The following ITGAV variants were observed in gnomAD, a reference collection of about 807,000 sequenced individuals.
The protein encoded by ITGAV is integrin subunit alpha V, also known as integrin alpha-V.
ITGAV carries 76 observed loss-of-function variants against 143.8 expected under a neutral mutation model. That is an observed-to-expected ratio of 0.53 (90% CI 0.44 to 0.64). The LOEUF (loss-of-function observed/expected upper bound fraction) is 0.64. Among genes scored for constraint, ITGAV ranks in the 30% least tolerant of loss-of-function variants. The pLI is 0.00. For missense variants in ITGAV, 1,193 were observed against 1,274.7 expected, an observed-to-expected ratio of 0.94 and a Z score of 0.98; for synonymous variants, 453 against 446.7, an observed-to-expected ratio of 1.01 and a Z score of -0.18.
rs1205632547 is a variant in ITGAV at position 186,679,978 on chromosome 2, G to C, written c.*2686G>C. 1 of 152,080 alleles carries C rather than the reference G, an allele frequency of 6.6e-6. No homozygotes were observed. The highest frequency in any genetic ancestry group is 1.5e-5 in the Non-Finnish European group (1 of 67,950). 9.4% of individuals were successfully genotyped at this position (152,080 alleles called of 1,614,324 possible). On this transcript the variant is annotated 3_prime_UTR_variant, in exon 30 of 30. Transcript: ENST00000261023. ...TTACTGGCTTAAGAGGGCTGTGAAAGATTTTTGATAGTGAATCATGACCCT... is the reference window on the plus strand; with the variant it reads ...TTACTGGCTTAAGAGGGCTGTGAAACATTTTTGATAGTGAATCATGACCCT...
At position 186,656,390 on chromosome 2, in the gene ITGAV, G is replaced by A. The variant is rs201670713; in HGVS notation, c.1708G>A (p.Ala570Thr). 1.9e-5 allele frequency: 29 copies of A among 1,494,954 alleles called. No individual in the cohort carries two copies. Among genetic ancestry groups the A allele is most frequent in the Middle Eastern group, 3.5e-4 (2 of 5,768 alleles). 92.6% of individuals were successfully genotyped at this position (1,494,954 alleles called of 1,614,324 possible). A position where few individuals can be genotyped will look rare whatever the true frequency, so the allele number is the denominator to read the frequency against. Reference sequence around the variant, plus strand: ...ACTGATGCAGTGTGAGGAATTGATAGCGTATCTGCGGGTAAGAGCTAACTT... The same window carrying A: ...ACTGATGCAGTGTGAGGAATTGATAACGTATCTGCGGGTAAGAGCTAACTT... Reference protein sequence around the residue: ...GGLMQCEELIAYLRDESEFRD... With the variant: ...GGLMQCEELITYLRDESEFRD... Residue 570 changes from alanine to threonine, a missense_variant, in exon 17 of 30, where the codon GCG (alanine) becomes ACG (threonine). Ala to Thr is a moderately conservative substitution (Grantham distance 58, BLOSUM62 0). Transcript: ENST00000261023.
rs1171422237 is a variant in ITGAV at position 186,590,539 on chromosome 2, TG to T, written c.185+18del. ...GCGCGTCTTCGTAAGTGGCCGCACT[TG>T]GAACTGGAGCCGGCCCCCTCCCCCA... is the stretch of plus-strand genomic sequence containing the variant. On this transcript the variant is annotated intron_variant, in intron 1 of 29. Coordinates refer to ENST00000261023, the MANE Select transcript of ITGAV (RefSeq NM_002210.5). 73 of 1,607,974 alleles carry T rather than the reference TG, an allele frequency of 4.5e-5. No individual in the cohort carries two copies. The highest frequency in any genetic ancestry group is 6.0e-5 in the Non-Finnish European group (71 of 1,177,644).
At chr2:186,662,923 C>G (rs1688787082) in intron 18 of ITGAV, among the ~76,000 whole-genome samples, 1 of 152,074 alleles carries the variant, frequency 6.6e-6, no homozygotes, top group South Asian at 2.1e-4. Flanking sequence ...TTCTTTTTGT[C>G]TGCTTCTGTG....
intron 1 of ITGAV, among the ~76,000 whole-genome samples, chr2:186,594,561 G>A (rs1686696731): frequency 1.3e-5 from 2 of 152,158 alleles, no homozygotes; most frequent in South Asian, 4.1e-4. Context: ...TAAACGTGCA[G>A]AACATCTTGT....
At chr2:186,648,408 A>G (rs1000365790) in intron 13 of ITGAV, among the ~76,000 whole-genome samples, 14 of 152,228 alleles carry the variant, frequency 9.2e-5, no homozygotes, top group Non-Finnish European at 1.6e-4. Flanking sequence ...TTTTAACTGT[A>G]TAACAGGTGG....
chr2:186,618,821 CA>C (rs1687440783), intron 2 of ITGAV, among the ~76,000 whole-genome samples: 2 of 152,126 alleles, frequency 1.3e-5, no homozygotes, highest in African/African-American at 4.8e-5. Context: ...TAAATTAATA[CA>C]GCTACTATGG....
intron 1 of ITGAV, among the ~76,000 whole-genome samples, chr2:186,597,698 G>A (rs1686783069): frequency 6.6e-6 from 1 of 152,208 alleles, no homozygotes; most frequent in South Asian, 2.1e-4. Flanking sequence ...ATCAGGAAGT[G>A]AGCAGCAGGA....
intron 2 of ITGAV, among the ~76,000 whole-genome samples, chr2:186,618,694 T>G (rs1367367044): frequency 6.6e-6 from 1 of 152,004 alleles, no homozygotes; most frequent in Admixed American, 6.6e-5. Flanking sequence ...AAAGAAGAAA[T>G]TTCACTTTTC....
At position 186,630,281 on chromosome 2, in the gene ITGAV, T is replaced by C. The variant is rs1160894737; in HGVS notation, c.524-516T>C. On this transcript the variant is annotated intron_variant, in intron 4 of 29. Transcript: ENST00000261023. ...AATAGGAAGACAGAGGAATTTCATA[T>C]TGGAATTTTTAACTTGCAGATCACA... 2.0e-5 allele frequency among the ~76,000 whole-genome samples: 3 copies of C among 151,934 alleles called. No individual in the cohort carries two copies. In the South Asian group the frequency reaches 6.2e-4, roughly 32 times the overall value.
At chr2:186,647,707 G>A (rs1020562548) in intron 13 of ITGAV, among the ~76,000 whole-genome samples, 1 of 152,198 alleles carries the variant, frequency 6.6e-6, no homozygotes, top group African/African-American at 2.4e-5. Context: ...AGTAGAGCAA[G>A]CAAGACCTTT....
chr2:186,656,987 A>AACACACACACAC (rs56249746), intron 17 of ITGAV, among the ~76,000 whole-genome samples: 18 of 139,426 alleles, frequency 1.3e-4, no homozygotes, highest in African/African-American at 4.6e-4. Flanking sequence ...GAATTCATTA[A>AACACACACACAC]ACACACACAC....
intron 13 of ITGAV, among the ~76,000 whole-genome samples, chr2:186,648,058 T>G (rs759653650): frequency 6.6e-6 from 1 of 152,242 alleles, no homozygotes; most frequent in South Asian, 2.1e-4. Context: ...TTCATAGTGT[T>G]TTATTCAACG....
At position 186,625,566 on chromosome 2, in the gene ITGAV, G is replaced by C. The variant is rs779728433; in HGVS notation, c.502G>C (p.Glu168Gln). 1 of 1,612,766 alleles carries C rather than the reference G, an allele frequency of 6.2e-7. No homozygotes were observed. The highest frequency in any genetic ancestry group is 1.1e-5 in the South Asian group (1 of 90,998). Reference protein sequence around the residue: ...CFLQDGTKTVEYAPCRSQDID... With the variant: ...CFLQDGTKTVQYAPCRSQDID... ...TCTTCAAGATGGAACAAAGACTGTT[G>C]AGTATGCTCCATGTAGATCACGTAT... Residue 168 changes from glutamate (E) to glutamine (Q), a missense_variant, in exon 4 of 30, where the codon GAG becomes CAG. Glu to Gln is a conservative substitution (Grantham distance 29). Coordinates refer to ENST00000261023, the MANE Select transcript of ITGAV (RefSeq NM_002210.5).
intron 21 of ITGAV, 32 bp downstream of exon 21, chr2:186,665,250 C>A: frequency 7.3e-7 from 1 of 1,366,980 alleles, no homozygotes; most frequent in Non-Finnish European, 1.0e-6. Context: ...GATTTTTCTC[C>A]CTGGCAAATA....
intron 15 of ITGAV, among the ~76,000 whole-genome samples, chr2:186,652,439 G>C (rs1289004008): frequency 6.6e-6 from 1 of 152,048 alleles, no homozygotes; most frequent in Non-Finnish European, 1.5e-5. Flanking sequence ...CAGTCATCCT[G>C]CCTCAGCCTC....
rs1275146249 is a variant in ITGAV at position 186,665,037 on chromosome 2, T to G, written c.2074-89T>G. 4.8e-6 allele frequency: 4 copies of G among 841,058 alleles called. No homozygotes were observed. In the African/African-American group the frequency reaches 6.9e-5, roughly 15 times the overall value. The allele number at this position is 841,058 out of a possible 1,614,324, so 52.1% of individuals were successfully genotyped here. A position where few individuals can be genotyped will look rare whatever the true frequency, so the allele number is the denominator to read the frequency against. On this transcript the variant is annotated intron_variant, in intron 20 of 29. Transcript: ENST00000261023. ...CCTGGTTTGCTCAACTAGATTTATT[T>G]GCTTAGGACAAGAAACTGAAATATC...
Position 186,669,694 on chromosome 2 carries a change from G to A in ITGAV, c.2593-7G>A. 6.3e-7 allele frequency: 1 copy of A among 1,591,986 alleles called. No individual in the cohort carries two copies. ...TTACCACCATTTTATTAATGTGATT[G>A]CATTAGATCTCATCTTTGCAAACAA... On this transcript the variant is annotated splice_polypyrimidine_tract_variant and splice_region_variant and intron_variant, in intron 25 of 29. Coordinates refer to ENST00000261023, the MANE Select transcript of ITGAV (RefSeq NM_002210.5).
chr2:186,659,166 T>G lies in ITGAV; in HGVS notation c.1848T>G (p.Ile616Met). The G allele has an allele frequency of 6.2e-7, 1 of 1,606,454 alleles. No homozygotes were observed. The change falls in exon 18 of 30, where the codon ATT (isoleucine) becomes ATG (methionine). Residue 616 changes from isoleucine to methionine, a missense_variant. By Grantham distance (10) the Ile-to-Met change is conservative. Coordinates refer to ENST00000261023, the MANE Select transcript of ITGAV (RefSeq NM_002210.5). The part of the protein sequence containing the change: ...PILNQFTPAN[I>M]SRQAHILLDC... ...TTAACCAGTTCACGCCTGCTAACAT[T>G]AGTCGACAGGTACTGTACTCAGTTT...
chr2:186,675,678 G>A lies in ITGAV; in HGVS notation c.2781G>A (p.Leu927=), dbSNP rs140014289. Residue 927 remains leucine (L), a synonymous_variant, in exon 27 of 30, where the codon TTG becomes TTA. Transcript: ENST00000261023. The part of the protein sequence containing the change: ...GRLDRGKSAI[L]YVKSLLWTET... ...TAGACAGAGGAAAGAGTGCAATCTT[G>A]TACGTAAAGTCATTACTGTGGACTG... 6.2e-7 allele frequency: 1 copy of A among 1,613,890 alleles called. No individual in the cohort carries two copies. The highest frequency in any genetic ancestry group is 8.5e-7 in the Non-Finnish European group (1 of 1,179,856).
Sources: gnomAD v4.1 joint callset for allele counts (sites outside exome capture counted in the v4.1 genomes callset) on GRCh38, gnomAD v4.1.1 for gene constraint, MANE v1.5 for transcripts, NCBI Gene and HGNC (gene_info 2026-07-23, HGNC 2026-07-21) for gene names.